COQ10A: variants seen among roughly 807,000 people sequenced by gnomAD.
The protein encoded by COQ10A is coenzyme Q-binding protein COQ10 homolog A, mitochondrial.
A neutral mutation model predicts 26.1 loss-of-function variants in COQ10A; 25 were observed. That is an observed-to-expected ratio of 0.96 (90% CI 0.70 to 1.34). COQ10A has a LOEUF of 1.34. Ranked by LOEUF, COQ10A falls within the 40% of genes most tolerant of loss-of-function variation. The pLI is 0.00. For missense variants in COQ10A, 312 were observed against 335.4 expected (o/e 0.93, Z 0.54); for synonymous variants, 132 against 124.0 (o/e 1.06, Z -0.43).
In COQ10A at chr12:56,269,543, C is replaced by T; in HGVS notation, c.558C>T (p.Thr186=). The change falls in exon 4 of 5, where the codon ACC becomes ACT. Residue 186 remains threonine, a synonymous_variant. Coordinates refer to ENST00000308197, the MANE Select transcript of COQ10A (RefSeq NM_144576.4). ...FSPGIPAYPR[T]CTVDFSISFE... ...CTGGTATTCCTGCCTATCCTCGAACCTGCACTGTGGACTTTTCGGTGAGTC... is the reference window on the plus strand; with the variant it reads ...CTGGTATTCCTGCCTATCCTCGAACTTGCACTGTGGACTTTTCGGTGAGTC... 1 of 1,613,778 alleles carries T rather than the reference C, an allele frequency of 6.2e-7. No homozygotes were observed. Among genetic ancestry groups the T allele is most frequent in the Middle Eastern group, 1.7e-4 (1 of 6,060 alleles).
At chr12:56,269,324 C>A in intron 3 of COQ10A, 73 bp downstream of exon 3, 1 of 1,542,644 alleles carries the variant, frequency 6.5e-7, no homozygotes, top group South Asian at 1.1e-5. Context: ...CTATTTTGGC[C>A]TTCCTTGTAA....
intron 1 of COQ10A, chr12:56,267,589 G>A (rs1444154699): frequency 4.4e-6 from 5 of 1,138,978 alleles, no homozygotes; most frequent in Non-Finnish European, 6.5e-6. Context: ...CCCTCACCCC[G>A]CCCCCAGCCC....
rs749242474 is a variant in COQ10A, at chr12:56,267,870, C to A, written c.211C>A (p.Arg71Ser). Residue 71 changes from arginine to serine, a missense_variant, in exon 2 of 5, where the codon CGT (arginine) becomes AGT (serine). Coordinates refer to ENST00000308197, the MANE Select transcript of COQ10A (RefSeq NM_144576.4). The part of the protein sequence containing the change: ...LAAEAGLPSS[R>S]SFMGFAAPFT... Reference sequence around the variant, plus strand: ...GGCTGAGGCTGGCTTACCTTCGAGCCGTTCCTTCATGGGATTTGCTGCTCC... The same window carrying A: ...GGCTGAGGCTGGCTTACCTTCGAGCAGTTCCTTCATGGGATTTGCTGCTCC... 2 of 1,614,076 alleles carry A rather than the reference C, an allele frequency of 1.2e-6. No individual in the cohort carries two copies. Among genetic ancestry groups the A allele is most frequent in the African/African-American group, 1.3e-5 (1 of 74,916 alleles).
At chr12:56,267,340 G>T in intron 1 of COQ10A, 88 bp downstream of exon 1, 1 of 1,613,470 alleles carries the variant, frequency 6.2e-7, no homozygotes, top group East Asian at 2.2e-5. Flanking sequence ...TGGGATGCAG[G>T]CGCGGCGGGG....
intron 1 of COQ10A, 173 bp from the exon 2 acceptor site, chr12:56,267,620 CT>C: frequency 8.5e-7 from 1 of 1,172,912 alleles, no homozygotes; most frequent in Non-Finnish European, 1.3e-6. Context: ...TGCCCTCGAC[CT>C]TTTGCACTCG....
intron 2 of COQ10A, 85 bp downstream of exon 2, chr12:56,268,025 G>A: frequency 6.5e-7 from 1 of 1,536,318 alleles, no homozygotes; most frequent in Non-Finnish European, 8.9e-7. Flanking sequence ...GGTATCATCG[G>A]TGGGCAAGAT....
Position 56,267,010 on chromosome 12 carries a change from C to A in COQ10A, c.-109C>A. 1 of 1,127,236 alleles carries A rather than the reference C, an allele frequency of 8.9e-7. No individual in the cohort carries two copies. The highest frequency in any genetic ancestry group is 1.1e-6 in the Non-Finnish European group (1 of 903,390). 69.8% of individuals were successfully genotyped at this position (1,127,236 alleles called of 1,614,324 possible). ...GTGCTGCCGCCTCCCGTCGCCCCTG[C>A]GCTCAGAGGTCCCGAACCAGCCCAG... On this transcript the variant is annotated 5_prime_UTR_variant, in exon 1 of 5. Coordinates refer to ENST00000308197, the MANE Select transcript of COQ10A (RefSeq NM_144576.4).
intron 4 of COQ10A, 90 bp from the exon 5 acceptor site, chr12:56,270,060 A>T (rs1872467488): frequency 1.1e-5 from 15 of 1,340,352 alleles, no homozygotes; most frequent in Non-Finnish European, 1.6e-5. Context: ...GGAGGGGGAG[A>T]AAAGGCACTG....
Position 56,269,510 on chromosome 12 carries a change from A to C in COQ10A, c.525A>C (p.Arg175=), listed in dbSNP as rs376000710. The C allele has an allele frequency of 6.2e-7, 1 of 1,614,068 alleles. No individual in the cohort carries two copies. Among genetic ancestry groups the C allele is most frequent in the African/African-American group, 1.3e-5 (1 of 74,918 alleles). The change falls in exon 4 of 5, where the codon CGA becomes CGC. Residue 175 remains arginine (R), a synonymous_variant. Coordinates refer to ENST00000308197, the MANE Select transcript of COQ10A (RefSeq NM_144576.4). The part of the protein sequence containing the change: ...KLFNHLETIW[R]FSPGIPAYPR... Reference sequence around the variant, plus strand: ...TCAACCACTTAGAGACTATTTGGCGATTCAGCCCTGGTATTCCTGCCTATC... The same window carrying C: ...TCAACCACTTAGAGACTATTTGGCGCTTCAGCCCTGGTATTCCTGCCTATC...
chr12:56,268,499 G>A (rs1417718754), intron 2 of COQ10A: 1 of 158,290 alleles, frequency 6.3e-6, no homozygotes, highest in Non-Finnish European at 1.4e-5. Flanking sequence ...ACAAAAAACA[G>A]GGTGTATTTT....
Position 56,269,083 on chromosome 12 carries a change from G to A in COQ10A, c.306G>A (p.Glu102=). ...GGTACTCAATGCAGGAGATGTATGA[G>A]GTGGTGTCCAACGTCCAGGAGTATC... ...IMGYSMQEMY[E]VVSNVQEYRE... is the part of the protein sequence containing the mutation. The change falls in exon 3 of 5, where the codon GAG becomes GAA. Residue 102 remains glutamate, a synonymous_variant. Transcript: ENST00000308197. The A allele has an allele frequency of 6.2e-7, 1 of 1,613,996 alleles. No homozygotes were observed. The highest frequency in any genetic ancestry group is 1.1e-5 in the South Asian group (1 of 91,074).
At chr12:56,267,558 A>G (rs1872386939) in intron 1 of COQ10A, 1 of 1,253,864 alleles carries the variant, frequency 8.0e-7, no homozygotes, top group African/African-American at 1.5e-5. Context: ...GGCGCTTCCC[A>G]CACACCCCTT....
At position 56,270,440 on chromosome 12, in the gene COQ10A, C is replaced by T. The variant is rs538924843; in HGVS notation, c.*123C>T. The stretch of plus-strand genomic sequence containing the variant: ...GTGTTCATAATACTGTTTCTCCTCT[C>T]AATTTCCCAGAAATTGGGTTCTATG... On this transcript the variant is annotated 3_prime_UTR_variant, in exon 5 of 5. Transcript: ENST00000308197. 6 of 1,049,960 alleles carry T rather than the reference C, an allele frequency of 5.7e-6. No homozygotes were observed. The highest frequency in any genetic ancestry group is 5.5e-5 in the Admixed American group (2 of 36,630). 65.0% of individuals were successfully genotyped at this position (1,049,960 alleles called of 1,614,324 possible). A position where few individuals can be genotyped will look rare whatever the true frequency, so the allele number is the denominator to read the frequency against.
intron 1 of COQ10A, 86 bp downstream of exon 1, chr12:56,267,338 A>G: frequency 1.2e-6 from 2 of 1,613,344 alleles, no homozygotes; most frequent in Non-Finnish European, 1.7e-6. Flanking sequence ...ACTGGGATGC[A>G]GGCGCGGCGG....
In COQ10A at chr12:56,270,343, C is replaced by T. The variant is rs747183010; in HGVS notation, c.*26C>T. On this transcript the variant is annotated 3_prime_UTR_variant, in exon 5 of 5. Transcript: ENST00000308197. ...GGCAAGGGATTGCTCCCTGACCTCCCTTCTACCCCACTTCCCTACACAATT... is the reference window on the plus strand; with the variant it reads ...GGCAAGGGATTGCTCCCTGACCTCCTTTCTACCCCACTTCCCTACACAATT... 1.2e-6 allele frequency: 2 copies of T among 1,604,496 alleles called. No individual in the cohort carries two copies. Among genetic ancestry groups the T allele is most frequent in the African/African-American group, 1.3e-5 (1 of 74,726 alleles).
intron 2 of COQ10A, 180 bp from the exon 3 acceptor site, chr12:56,268,879 G>T: frequency 1.7e-6 from 1 of 578,396 alleles, no homozygotes; most frequent in South Asian, 2.3e-5. Flanking sequence ...AAAATATAAG[G>T]TAACAGTATC....
intron 4 of COQ10A, 63 bp from the exon 5 acceptor site, chr12:56,270,087 C>A: frequency 1.3e-6 from 2 of 1,513,648 alleles, no homozygotes; most frequent in Non-Finnish European, 9.1e-7. Context: ...AGTTTCCTTG[C>A]ATTTGGCCAG....
Position 56,267,161 on chromosome 12 carries a change from G to A in COQ10A, c.43G>A (p.Ala15Thr). Residue 15 changes from alanine (A) to threonine (T), a missense_variant, in exon 1 of 5, where the codon GCG (alanine) becomes ACG (threonine). Ala to Thr is a moderately conservative substitution (Grantham distance 58, BLOSUM62 0). Transcript: ENST00000308197. ...GCGGCGGGTCCCAGCTGGGACGCGCGCGGCAGCCGAGCGCTGCTGCCGGCT... is the reference window on the plus strand; with the variant it reads ...GCGGCGGGTCCCAGCTGGGACGCGCACGGCAGCCGAGCGCTGCTGCCGGCT... ...GSRRVPAGTR[A>T]AAERCCRLSL... is the part of the protein sequence containing the mutation. 2.2e-6 allele frequency: 3 copies of A among 1,340,244 alleles called. No homozygotes were observed. Among genetic ancestry groups the A allele is most frequent in the South Asian group, 1.9e-5 (1 of 51,980 alleles). The allele number at this position is 1,340,244 out of a possible 1,614,324, so 83.0% of individuals were successfully genotyped here. A position where few individuals can be genotyped will look rare whatever the true frequency, so the allele number is the denominator to read the frequency against.
chr12:56,267,764 A>T (rs775508849), intron 1 of COQ10A, 30 bp from the exon 2 acceptor site: 1 of 1,613,846 alleles, frequency 6.2e-7, no homozygotes, highest in Non-Finnish European at 8.5e-7. Flanking sequence ...GAAGAACTAT[A>T]CGGTTGGCTC....
Sources: gnomAD v4.1 joint callset for allele counts on GRCh38, gnomAD v4.1.1 for gene constraint, MANE v1.5 for transcripts, NCBI Gene and HGNC (gene_info 2026-07-23, HGNC 2026-07-21) for gene names.